CPVL: variants seen among roughly 807,000 people sequenced by gnomAD.
CPVL encodes carboxypeptidase vitellogenic like, also known as probable serine carboxypeptidase CPVL.
In CPVL, 51 loss-of-function variants were observed where a neutral mutation model predicts 63.7. That is an observed-to-expected ratio of 0.80 (90% CI 0.64 to 1.01). CPVL has a LOEUF of 1.01. Among genes scored for constraint, CPVL ranks in the 50% least tolerant of loss-of-function variants. The pLI, the probability that CPVL is intolerant of heterozygous loss-of-function variation, is 0.00. For synonymous variants in CPVL, 195 were observed against 206.0 expected, an observed-to-expected ratio of 0.95 and a Z score of 0.46; for missense variants, 530 against 573.1, an observed-to-expected ratio of 0.92 and a Z score of 0.77.
chr7:29,064,342 CG>C (rs1227720860), intron 10 of CPVL, 108 bp from the exon 11 acceptor site: 12 of 614,080 alleles, frequency 2.0e-5, no homozygotes, highest in Non-Finnish European at 2.2e-5. Context: ...AGAAACGTGA[CG>C]GGACTATTAA....
intron 1 of CPVL, among the ~76,000 whole-genome samples, chr7:29,140,545 C>T (rs1460745766): frequency 6.6e-6 from 1 of 152,192 alleles, no homozygotes; most frequent in Non-Finnish European, 1.5e-5. Flanking sequence ...TGCCCCACTA[C>T]AAATAAACAC....
chr7:29,062,856 T>G (rs1257479608), intron 11 of CPVL, among the ~76,000 whole-genome samples: 1 of 152,132 alleles, frequency 6.6e-6, no homozygotes, highest in Non-Finnish European at 1.5e-5. Context: ...CATACAAAAA[T>G]CCTATGGGCT....
intron 6 of CPVL, among the ~76,000 whole-genome samples, chr7:29,090,797 C>T (rs1641728563): frequency 6.6e-6 from 1 of 152,092 alleles, no homozygotes; most frequent in South Asian, 2.1e-4. Flanking sequence ...GTTTTATTTC[C>T]AAACACAAAA....
intron 6 of CPVL, among the ~76,000 whole-genome samples, chr7:29,088,013 A>G (rs1785385861): frequency 6.6e-6 from 1 of 152,212 alleles, no homozygotes. Flanking sequence ...TCCAACCTTC[A>G]GGCTAAAATC....
intron 12 of CPVL, among the ~76,000 whole-genome samples, chr7:29,027,795 G>A (rs1487084781): frequency 6.6e-6 from 1 of 152,102 alleles, no homozygotes; most frequent in Non-Finnish European, 1.5e-5. Flanking sequence ...TCTCTACAAG[G>A]AAAACTATAA....
chr7:29,118,295 T>G (rs1392342119), intron 2 of CPVL, among the ~76,000 whole-genome samples: 1 of 152,234 alleles, frequency 6.6e-6, no homozygotes, highest in Non-Finnish European at 1.5e-5. Flanking sequence ...CTCCTTTTCA[T>G]CCCTACATTA....
At chr7:29,180,297 G>A (rs751080096) in intron 5 of CPVL, among the ~76,000 whole-genome samples, 16 of 152,100 alleles carry the variant, frequency 1.1e-4, no homozygotes, top group African/African-American at 2.4e-4. Flanking sequence ...AAGCTGAGGC[G>A]GGCAGATCAC....
chr7:29,182,398 AT>A (rs1357771349), intron 4 of CPVL, among the ~76,000 whole-genome samples: 15 of 152,240 alleles, frequency 9.9e-5, no homozygotes, highest in African/African-American at 3.6e-4. Flanking sequence ...GATATGACAC[AT>A]AGAGTGTAGC....
intron 7 of CPVL, among the ~76,000 whole-genome samples, chr7:29,077,690 C>A (rs184910481): frequency 6.6e-6 from 1 of 152,338 alleles, no homozygotes; most frequent in Non-Finnish European, 1.5e-5. Flanking sequence ...TGGAATCAGT[C>A]ATATCATTCC....
intron 5 of CPVL, among the ~76,000 whole-genome samples, chr7:29,176,735 A>G (rs1350503617): frequency 6.6e-6 from 1 of 152,190 alleles, no homozygotes; most frequent in Non-Finnish European, 1.5e-5. Flanking sequence ...ACAGTATAAA[A>G]CAACAAATAA....
In CPVL at chr7:29,146,525, C is replaced by T; in HGVS notation, c.-107G>A. 6.7e-7 allele frequency: 1 copy of T among 1,491,852 alleles called. No individual in the cohort carries two copies. Among genetic ancestry groups the T allele is most frequent in the Non-Finnish European group, 8.9e-7 (1 of 1,122,672 alleles). 92.4% of individuals were successfully genotyped at this position (1,491,852 alleles called of 1,614,324 possible). Reference sequence around the variant, plus strand: ...CCAAATCAGGCAGAAGTGAGGCAGCCCCACCCAGTCACGAGGACCCTGCAG... The same window carrying T: ...CCAAATCAGGCAGAAGTGAGGCAGCTCCACCCAGTCACGAGGACCCTGCAG... On this transcript the variant is annotated 5_prime_UTR_variant, in exon 1 of 13. Coordinates refer to ENST00000265394, the MANE Select transcript of CPVL (RefSeq NM_031311.5).
rs1204913683 is a variant in CPVL at position 29,026,508 on chromosome 7, T to C, written c.1320+4069A>G. Among the ~76,000 whole-genome samples the C allele has an allele frequency of 5.9e-5, 9 of 151,428 alleles. 1 individual carries two copies. The East Asian group carries it at 1.2e-3, about 20-fold the overall frequency. On this transcript the variant is annotated intron_variant, in intron 12 of 12. Coordinates refer to ENST00000265394, the MANE Select transcript of CPVL (RefSeq NM_031311.5). ...ACAATCAGAGCAGAACTAAATGGAA[T>C]AGAAACTAAAAAGAAATACAAAGGA...
At chr7:29,005,209 A>C (rs777934413) in intron 12 of CPVL, among the ~76,000 whole-genome samples, 25 of 152,036 alleles carry the variant, frequency 1.6e-4, no homozygotes, top group Non-Finnish European at 3.1e-4. Context: ...ATATGTCTTA[A>C]GTTTGTACCA....
chr7:29,061,225 TGGTGAAACCCTGTCTC>T (rs1242064329), intron 11 of CPVL, among the ~76,000 whole-genome samples: 1 of 151,132 alleles, frequency 6.6e-6, no homozygotes, highest in Non-Finnish European at 1.5e-5. Flanking sequence ...CTGGGCAACA[TGGTGAAACCCTGTCTC>T]TACTAAAAAT....
At chr7:29,066,320 A>G (rs530754830) in intron 9 of CPVL, among the ~76,000 whole-genome samples, 199 bp from the exon 10 acceptor site, 9 of 152,320 alleles carry the variant, frequency 5.9e-5, no homozygotes, top group Admixed American at 5.9e-4. Flanking sequence ...AAACAGACCA[A>G]TGGTCCTCCC....
intron 6 of CPVL, among the ~76,000 whole-genome samples, chr7:29,089,663 A>G (rs1289608880): frequency 6.6e-6 from 1 of 152,138 alleles, no homozygotes; most frequent in African/African-American, 2.4e-5. Context: ...CTCAAAAGCT[A>G]CCATCCATTC....
chr7:29,133,845 G>A (rs554544892), intron 1 of CPVL, among the ~76,000 whole-genome samples: 3 of 152,272 alleles, frequency 2.0e-5, no homozygotes, highest in African/African-American at 7.2e-5. Context: ...TAAGAAACAA[G>A]CTAATTCAAA....
intron 11 of CPVL, among the ~76,000 whole-genome samples, chr7:29,048,740 A>G (rs893628471): frequency 7.9e-5 from 12 of 152,258 alleles, no homozygotes; most frequent in African/African-American, 2.4e-4. Context: ...TCAACAGCAC[A>G]TGGAACTTTC....
chr7:29,193,918 G>T (rs1020511030), intron 1 of CPVL: 1 of 152,216 alleles, frequency 6.6e-6, no homozygotes, highest in African/African-American at 2.4e-5. Flanking sequence ...GGCACTGTCC[G>T]TGGCTGGGTT....
Sources: gnomAD v4.1 joint callset for allele counts (sites outside exome capture counted in the v4.1 genomes callset) on GRCh38, gnomAD v4.1.1 for gene constraint, MANE v1.5 for transcripts, NCBI Gene and HGNC (gene_info 2026-07-23, HGNC 2026-07-21) for gene names.